CD99L2: variants seen among roughly 807,000 people sequenced by gnomAD.
CD99L2 encodes CD99 antigen-like protein 2.
In CD99L2, 24 loss-of-function variants were observed where a neutral mutation model predicts 27.3. The observed-to-expected ratio is 0.88, with a 90% CI of 0.64 to 1.24. CD99L2 has a LOEUF of 1.24. Among genes scored for constraint, CD99L2 ranks in the 50% most tolerant of loss-of-function variants. The probability of loss-of-function intolerance (pLI) is 0.00; values close to 1 mark genes in which losing one functional copy is unlikely to be tolerated. For synonymous variants in CD99L2, 97 were observed against 87.9 expected (o/e 1.10, Z -0.58); for missense variants, 255 against 221.6 (o/e 1.15, Z -0.96).
intron 1 of CD99L2, among the ~76,000 whole-genome samples, chrX:150,844,626 TA>T (rs1213768312): frequency 3.6e-5 from 4 of 112,575 alleles, no homozygotes; most frequent in Non-Finnish European, 7.5e-5. Flanking sequence ...CTGGACTTGC[TA>T]AGCACTGCAG....
chrX:150,851,194 C>G (rs2093710715), intron 1 of CD99L2, among the ~76,000 whole-genome samples: 1 of 112,123 alleles, frequency 8.9e-6, no homozygotes, highest in African/African-American at 3.2e-5. Context: ...GTCAAGACAT[C>G]TGAATCCTTC....
chrX:150,898,320 C>T (rs1362840198), intron 1 of CD99L2, among the ~76,000 whole-genome samples: 1 of 111,940 alleles, frequency 8.9e-6, no homozygotes, highest in African/African-American at 3.2e-5. Flanking sequence ...CCCTCCTCTC[C>T]GGCTACTCCG....
At chrX:150,889,762 C>G in intron 1 of CD99L2, among the ~76,000 whole-genome samples, 1 of 112,584 alleles carries the variant, frequency 8.9e-6, no homozygotes, top group Non-Finnish European at 1.9e-5. Flanking sequence ...TTGTGAGAAG[C>G]CCGAGGTAGA....
chrX:150,838,708 A>G (rs2046571639), intron 1 of CD99L2, among the ~76,000 whole-genome samples: 1 of 107,274 alleles, frequency 9.3e-6, no homozygotes, highest in Admixed American at 1.0e-4. Context: ...ACTATGATAA[A>G]TAGAAAACAA....
Position 150,816,012 on chromosome X carries a change from G to A in CD99L2, c.197C>T (p.Pro66Leu), listed in dbSNP as rs1399577880. ...CCTTAAGGCAGCCACATTACCTGGA[G>A]GTTTTGCCGGAGCTCTGGTGGTTCC... ...RPGTTRAPAK[P>L]PGSGLDLADA... The change falls in exon 3 of 11, where the codon CCT becomes CTT. Residue 66 changes from proline to leucine, a missense_variant. Pro to Leu is a moderately conservative substitution (Grantham distance 98). Transcript: ENST00000370377. 8.3e-7 allele frequency: 1 copy of A among 1,211,377 alleles called. No individual in the cohort carries two copies. The highest frequency in any genetic ancestry group is 3.0e-5 in the East Asian group (1 of 33,824).
chrX:150,883,478 A>C (rs1284807269), intron 1 of CD99L2, among the ~76,000 whole-genome samples: 3 of 111,298 alleles, frequency 2.7e-5, no homozygotes, highest in Non-Finnish European at 5.6e-5. Flanking sequence ...CTCAGAAACA[A>C]ATATGCCCCT....
In CD99L2 at chrX:150,806,773, C is replaced by T. The variant is rs182516499; in HGVS notation, c.277+8089G>A. The stretch of plus-strand genomic sequence containing the variant: ...GGGCGTGGTGGTGGGAGCCTGTAAT[C>T]CCAGCTACTTGGGAGGCTGAGGCAG... On this transcript the variant is annotated intron_variant, in intron 4 of 10. Transcript: ENST00000370377. Among the ~76,000 whole-genome samples, 325 of 110,685 alleles carry T rather than the reference C, an allele frequency of 2.9e-3. 2 individuals carry two copies. Among genetic ancestry groups the T allele is most frequent in the African/African-American group, 9.9e-3 (301 of 30,420 alleles).
chrX:150,816,962 C>A (rs1337070377), intron 2 of CD99L2, among the ~76,000 whole-genome samples: 3 of 101,220 alleles, frequency 3.0e-5, no homozygotes, highest in Non-Finnish European at 6.0e-5. Flanking sequence ...AAACCAAACA[C>A]CGCATATTCT....
At chrX:150,771,758 A>G (rs2043460202) in intron 9 of CD99L2, 1 of 1,148,897 alleles carries the variant, frequency 8.7e-7, no homozygotes, top group Non-Finnish European at 1.2e-6. Context: ...ATGAGGAAGC[A>G]TCAAGGCTGA....
intron 1 of CD99L2, among the ~76,000 whole-genome samples, chrX:150,893,968 A>G (rs1207873761): frequency 1.8e-5 from 2 of 111,910 alleles, no homozygotes; most frequent in Non-Finnish European, 3.8e-5. Flanking sequence ...CACCCGCCTC[A>G]GCCTCCCAAC....
intron 7 of CD99L2, among the ~76,000 whole-genome samples, chrX:150,784,836 C>T (rs1271259088): frequency 8.9e-6 from 1 of 112,190 alleles, no homozygotes. Context: ...AAGATAAACA[C>T]CACCCGCTGT....
chrX:150,866,570 TA>T (rs112705100), intron 1 of CD99L2, among the ~76,000 whole-genome samples: 24,603 of 106,134 alleles, frequency 0.23, 2,510 homozygotes, highest in African/African-American at 0.39. Flanking sequence ...CTGTCTCTAT[TA>T]AAAAAAAAAA....
intron 7 of CD99L2, among the ~76,000 whole-genome samples, chrX:150,791,693 G>A (rs1332377137): frequency 1.8e-5 from 2 of 110,781 alleles, no homozygotes; most frequent in African/African-American, 6.6e-5. Context: ...GGCAGAAATG[G>A]GGGACAATCA....
intron 9 of CD99L2, among the ~76,000 whole-genome samples, chrX:150,774,380 C>T (rs2043513131): frequency 9.0e-6 from 1 of 111,372 alleles, no homozygotes; most frequent in African/African-American, 3.3e-5. Flanking sequence ...CAGGTCCTTG[C>T]TCCCTCTCCT....
chrX:150,835,226 T>G (rs2046508532), intron 1 of CD99L2, among the ~76,000 whole-genome samples: 1 of 112,504 alleles, frequency 8.9e-6, no homozygotes, highest in Admixed American at 9.4e-5. Flanking sequence ...TTAAAATTGC[T>G]AATAGACTTT....
intron 1 of CD99L2, among the ~76,000 whole-genome samples, chrX:150,882,607 G>A (rs1390751365): frequency 3.6e-5 from 4 of 110,074 alleles, no homozygotes; most frequent in Admixed American, 1.9e-4. Flanking sequence ...CCCGGGAGGC[G>A]GAAGTTGCAG....
chrX:150,791,740 C>T (rs188737297), intron 7 of CD99L2, among the ~76,000 whole-genome samples: 5,837 of 110,227 alleles, frequency 0.053, 180 homozygotes, highest in African/African-American at 0.1. Flanking sequence ...GAAATAAGGG[C>T]GGAGGAGGAG....
intron 3 of CD99L2, among the ~76,000 whole-genome samples, chrX:150,815,159 A>G (rs1202004976): frequency 8.9e-6 from 1 of 112,257 alleles, no homozygotes; most frequent in African/African-American, 3.2e-5. Flanking sequence ...GTATACCACC[A>G]GTTTTTCAAT....
chrX:150,860,429 T>C (rs934548238), intron 1 of CD99L2, among the ~76,000 whole-genome samples: 1 of 112,088 alleles, frequency 8.9e-6, no homozygotes, highest in East Asian at 2.8e-4. Context: ...TGGCCACTTT[T>C]ACCACTTCTA....
Sources: allele counts gnomAD v4.1 joint callset (sites outside exome capture counted in the v4.1 genomes callset), GRCh38; gene constraint gnomAD v4.1.1; transcripts MANE v1.5; gene names NCBI Gene and HGNC (gene_info 2026-07-23, HGNC 2026-07-21).